RBM6: variants seen among roughly 807,000 people sequenced by gnomAD.
RBM6 encodes the protein RNA binding motif protein 6.
A neutral mutation model predicts 140.4 loss-of-function variants in RBM6; 23 were observed. The ratio of observed to expected loss-of-function variants is 0.16; its 90% CI spans 0.12 to 0.23. The LOEUF is 0.23. Among genes scored for constraint, RBM6 ranks in the 10% least tolerant of loss-of-function variants. The probability of loss-of-function intolerance (pLI) is 1.00; values close to 1 mark genes in which losing one functional copy is unlikely to be tolerated. For missense variants in RBM6, 1,139 were observed against 1,386.7 expected, an observed-to-expected ratio of 0.82 and a Z score of 2.84; for synonymous variants, 439 against 475.6, an observed-to-expected ratio of 0.92 and a Z score of 1.00.
chr3:50,064,797 C>G lies in RBM6; in HGVS notation c.2587-234C>G, dbSNP rs114588311. ...GGTTCATTCTCCTGCCTCAGCCTCC[C>G]TACTAACTGGGACTACAGGTGCCCG... On this transcript the variant is annotated intron_variant, in intron 15 of 20. Coordinates refer to ENST00000266022, the MANE Select transcript of RBM6 (RefSeq NM_005777.3). Among the ~76,000 whole-genome samples the G allele has an allele frequency of 5.9e-3, 896 of 152,308 alleles. 10 individuals are homozygous for G. Among genetic ancestry groups the G allele is most frequent in the African/African-American group, 0.02 (844 of 41,572 alleles).
chr3:50,074,346 A>T (rs1278816660), intron 19 of RBM6, among the ~76,000 whole-genome samples: 10 of 147,726 alleles, frequency 6.8e-5, no homozygotes, highest in African/African-American at 2.0e-4. Flanking sequence ...TTTGAAACAG[A>T]GTTTCACTCT....
chr3:50,049,131 CAG>C (rs1389832804), intron 7 of RBM6, among the ~76,000 whole-genome samples: 3 of 151,696 alleles, frequency 2.0e-5, no homozygotes, highest in Non-Finnish European at 2.9e-5. Flanking sequence ...TATTTTGAGA[CAG>C]AGTCTTGCTC....
intron 6 of RBM6, among the ~76,000 whole-genome samples, chr3:50,014,082 G>T (rs527657880): frequency 6.6e-6 from 1 of 152,314 alleles, no homozygotes; most frequent in East Asian, 1.9e-4. Context: ...GACAAGAGTT[G>T]TGGTTAGTCA....
At chr3:50,042,468 C>G (rs1251258513) in intron 6 of RBM6, among the ~76,000 whole-genome samples, 1 of 152,180 alleles carries the variant, frequency 6.6e-6, no homozygotes, top group Non-Finnish European at 1.5e-5. Flanking sequence ...CACCATAACT[C>G]ACGCCTGTAA....
chr3:50,027,404 T>C (rs1559603685), intron 6 of RBM6, among the ~76,000 whole-genome samples: 1 of 152,204 alleles, frequency 6.6e-6, no homozygotes, highest in Non-Finnish European at 1.5e-5. Context: ...TTTTAGTATA[T>C]TCATAAAATT....
intron 6 of RBM6, among the ~76,000 whole-genome samples, chr3:50,026,385 T>G (rs2087824175): frequency 6.9e-6 from 1 of 144,744 alleles, no homozygotes. Context: ...GCCCGGCCCT[T>G]TTTTTTTTTT....
At chr3:50,017,223 T>C (rs922984731) in intron 6 of RBM6, among the ~76,000 whole-genome samples, 1 of 152,152 alleles carries the variant, frequency 6.6e-6, no homozygotes, top group Admixed American at 6.6e-5. Flanking sequence ...AAAAATTTTG[T>C]TTTTAGCCAT....
At chr3:50,029,554 G>A (rs1325340159) in intron 6 of RBM6, among the ~76,000 whole-genome samples, 1 of 152,036 alleles carries the variant, frequency 6.6e-6, no homozygotes, top group East Asian at 1.9e-4. Context: ...CCAATATGGC[G>A]AAACCCCGTC....
intron 1 of RBM6, among the ~76,000 whole-genome samples, chr3:49,952,091 G>A (rs1308053234): frequency 6.6e-6 from 1 of 151,854 alleles, no homozygotes; most frequent in Admixed American, 6.6e-5. Flanking sequence ...CTAGAATGCA[G>A]TGGCACGATC....
intron 7 of RBM6, among the ~76,000 whole-genome samples, chr3:50,052,989 GTGTGTGTGT>G (rs2089536900): frequency 1.5e-3 from 5 of 3,420 alleles, no homozygotes; most frequent in African/African-American, 5.2e-3. Flanking sequence ...GGGCAGGGGT[GTGTGTGTGT>G]GTGTGTGTGT....
At chr3:50,042,056 T>C (rs562309288) in intron 6 of RBM6, among the ~76,000 whole-genome samples, 33 of 152,280 alleles carry the variant, frequency 2.2e-4, no homozygotes, top group African/African-American at 6.7e-4. Flanking sequence ...TTTGTAAGGA[T>C]CTAATGAGAT....
In RBM6 at chr3:49,957,892, C is replaced by T. The variant is rs1031084646; in HGVS notation, c.-66-4684C>T. 3.3e-5 allele frequency among the ~76,000 whole-genome samples: 5 copies of T among 149,306 alleles called. No individual in the cohort carries two copies. In the East Asian group the frequency reaches 5.9e-4, roughly 18 times the overall value. ...TTTCGCCCAGGCTGGAGTGCAATGG[C>T]GCAATCTCAGCTGACTGTAACCTCT... On this transcript the variant is annotated intron_variant, in intron 1 of 20. Coordinates refer to ENST00000266022, the MANE Select transcript of RBM6 (RefSeq NM_005777.3).
At chr3:49,960,524 ATTTTG>A (rs2084234535) in intron 1 of RBM6, among the ~76,000 whole-genome samples, 2 of 152,100 alleles carry the variant, frequency 1.3e-5, no homozygotes, top group South Asian at 4.1e-4. Context: ...GAAGTTTTTA[ATTTTG>A]GTGAAGTCCC....
intron 19 of RBM6, 43 bp from the exon 20 acceptor site, chr3:50,075,158 A>G (rs1396838404): frequency 1.2e-6 from 1 of 828,338 alleles, no homozygotes; most frequent in Non-Finnish European, 1.7e-6. Context: ...CTCCGTCTCA[A>G]AAAAAAAAAA....
intron 6 of RBM6, among the ~76,000 whole-genome samples, chr3:50,019,953 CTG>C (rs1360647807): frequency 1.3e-5 from 2 of 148,962 alleles, no homozygotes; most frequent in East Asian, 2.0e-4. Flanking sequence ...GGGTCTCACT[CTG>C]TTGCCCAGGC....
rs370508351 is a variant in RBM6 at position 49,968,568 on chromosome 3, T to C, written c.1143T>C (p.Asp381=). 2.5e-6 allele frequency: 4 copies of C among 1,613,988 alleles called. No homozygotes were observed. The highest frequency in any genetic ancestry group is 2.7e-5 in the African/African-American group (2 of 74,886). ...QLSGREEQSS[D]AGLFKEEGGL... ...CTGGACGTGAAGAGCAGAGTTCAGA[T>C]GCTGGTCTGTTTAAAGAAGAAGGCG... The change falls in exon 3 of 21, where the codon GAT becomes GAC. Residue 381 remains aspartate (D), a synonymous_variant. Transcript: ENST00000266022.
chr3:50,000,883 G>A (rs757187093), intron 6 of RBM6, among the ~76,000 whole-genome samples: 2 of 152,194 alleles, frequency 1.3e-5, no homozygotes, highest in Non-Finnish European at 2.9e-5. Flanking sequence ...TGGGTATGGA[G>A]ATGACATGCT....
At chr3:50,068,539 G>T in intron 17 of RBM6, 151 bp from the exon 18 acceptor site, 1 of 613,518 alleles carries the variant, frequency 1.6e-6, no homozygotes. Flanking sequence ...GACCAGTTAG[G>T]GATTGTTGGT....
intron 1 of RBM6, among the ~76,000 whole-genome samples, chr3:49,950,880 G>A (rs1365317462): frequency 3.3e-5 from 5 of 152,048 alleles, no homozygotes; most frequent in Admixed American, 1.3e-4. Context: ...ACAGAGTCTC[G>A]ATGAGATATT....
Sources: allele counts gnomAD v4.1 joint callset (sites outside exome capture counted in the v4.1 genomes callset), GRCh38; gene constraint gnomAD v4.1.1; transcripts MANE v1.5; gene names NCBI Gene and HGNC (gene_info 2026-07-23, HGNC 2026-07-21).